CAMTA1: variants seen among roughly 807,000 people sequenced by gnomAD.
The protein encoded by CAMTA1 is calmodulin-binding transcription activator 1.
In CAMTA1, 27 loss-of-function variants were observed where a neutral mutation model predicts 170.9. That is an observed-to-expected ratio of 0.16 (90% CI 0.12 to 0.22). CAMTA1 has a LOEUF of 0.22. Among genes scored for constraint, CAMTA1 ranks in the 10% least tolerant of loss-of-function variants. CAMTA1 has a pLI of 1.00. For synonymous variants in CAMTA1, 833 were observed against 891.5 expected, an observed-to-expected ratio of 0.93 and a Z score of 1.17; for missense variants, 1,619 against 2,217.2, an observed-to-expected ratio of 0.73 and a Z score of 5.42.
At chr1:7,170,601 G>T (rs1649404803) in intron 4 of CAMTA1, among the ~76,000 whole-genome samples, 1 of 152,100 alleles carries the variant, frequency 6.6e-6, no homozygotes, top group African/African-American at 2.4e-5. Flanking sequence ...TGCTGAGAAT[G>T]ATGGCTTCCA....
chr1:6,910,751 A>G (rs1679516592), intron 3 of CAMTA1, among the ~76,000 whole-genome samples: 2 of 152,140 alleles, frequency 1.3e-5, no homozygotes, highest in Non-Finnish European at 2.9e-5. Context: ...TCAAAGGCGG[A>G]GGTGTGCTTG....
chr1:7,218,892 A>G (rs1660227757), intron 4 of CAMTA1, among the ~76,000 whole-genome samples: 1 of 151,692 alleles, frequency 6.6e-6, no homozygotes, highest in African/African-American at 2.4e-5. Context: ...CTTCTTGTTG[A>G]TCTGTGTAGT....
At chr1:7,391,697 T>A (rs1215966860) in intron 5 of CAMTA1, among the ~76,000 whole-genome samples, 1 of 152,186 alleles carries the variant, frequency 6.6e-6, no homozygotes, top group African/African-American at 2.4e-5. Flanking sequence ...TGGGAATGAA[T>A]GGCCTGTTTT....
At chr1:7,541,735 G>A (rs577798967) in intron 6 of CAMTA1, among the ~76,000 whole-genome samples, 122 of 152,318 alleles carry the variant, frequency 8.0e-4, no homozygotes, top group Non-Finnish European at 1.4e-3. Flanking sequence ...CTGTGGTCAC[G>A]TGATTAACTT....
At chr1:7,659,453 G>C (rs187323506) in intron 7 of CAMTA1, among the ~76,000 whole-genome samples, 1 of 152,106 alleles carries the variant, frequency 6.6e-6, no homozygotes, top group Non-Finnish European at 1.5e-5. Flanking sequence ...AGAATCGCTT[G>C]AACTCAGGAG....
intron 11 of CAMTA1, among the ~76,000 whole-genome samples, chr1:7,715,749 A>C (rs2096604858): frequency 6.6e-6 from 1 of 152,234 alleles, no homozygotes; most frequent in African/African-American, 2.4e-5. Context: ...GTCTAGGGGT[A>C]GGGTGCCAAG....
intron 5 of CAMTA1, among the ~76,000 whole-genome samples, chr1:7,287,656 G>C (rs1014120037): frequency 6.6e-6 from 1 of 152,148 alleles, no homozygotes; most frequent in Non-Finnish European, 1.5e-5. Context: ...GCCACGTGCT[G>C]GTAATAAACA....
chr1:7,276,303 A>ATATATTTT lies in CAMTA1; in HGVS notation c.438+26678_438+26679insATATTTTT. 2.9e-3 allele frequency among the ~76,000 whole-genome samples: 70 copies of ATATATTTT among 24,202 alleles called. 5 individuals are homozygous for ATATATTTT. Among genetic ancestry groups the ATATATTTT allele is most frequent in the African/African-American group, 0.018 (59 of 3,336 alleles). 15.9% of individuals were successfully genotyped at this position (24,202 alleles called of 152,430 possible). A position where few individuals can be genotyped will look rare whatever the true frequency, so the allele number is the denominator to read the frequency against. Reference sequence around the variant, plus strand: ...CATATATATATATATATATATATATATTTTTTTTTTTTTTTTTTCTTTTTG... The same window carrying ATATATTTT: ...CATATATATATATATATATATATATATATATTTTTTTTTTTTTTTTTTTTTTCTTTTTG... On this transcript the variant is annotated intron_variant, in intron 5 of 22. Transcript: ENST00000303635.
chr1:7,120,566 C>A (rs1285366366), intron 4 of CAMTA1, among the ~76,000 whole-genome samples: 4 of 152,188 alleles, frequency 2.6e-5, no homozygotes, highest in Non-Finnish European at 4.4e-5. Flanking sequence ...TATCCCATTG[C>A]CTTTGCCGTT....
chr1:7,699,568 T>C (rs1482334534), intron 11 of CAMTA1, among the ~76,000 whole-genome samples: 1 of 152,244 alleles, frequency 6.6e-6, no homozygotes, highest in Non-Finnish European at 1.5e-5. Context: ...CATAACTTTA[T>C]AATTAACCTT....
Position 7,661,879 on chromosome 1 carries a change from T to C in CAMTA1, c.805+13T>C, listed in dbSNP as rs745612164. On this transcript the variant is annotated intron_variant, in intron 8 of 22. Transcript: ENST00000303635. ...ACCGGCAGCCTGGGTGAGCCGGGGC[T>C]CCCGGGGCAGGCGGGCGCCACGGGG... 239 of 1,598,268 alleles carry C rather than the reference T, an allele frequency of 1.5e-4. No homozygotes were observed. Among genetic ancestry groups the C allele is most frequent in the Non-Finnish European group, 2.0e-4 (237 of 1,172,802 alleles).
intron 3 of CAMTA1, among the ~76,000 whole-genome samples, chr1:6,863,598 G>T (rs1038645717): frequency 6.6e-6 from 1 of 152,186 alleles, no homozygotes; most frequent in Non-Finnish European, 1.5e-5. Flanking sequence ...AGCCTCCCAG[G>T]CGATCAAGTC....
At chr1:7,556,323 T>C (rs1170017172) in intron 6 of CAMTA1, among the ~76,000 whole-genome samples, 3 of 152,116 alleles carry the variant, frequency 2.0e-5, no homozygotes, top group Non-Finnish European at 4.4e-5. Flanking sequence ...AGTCCTTTGC[T>C]ATCTCTAGGA....
At chr1:7,473,103 C>T (rs966666701) in intron 6 of CAMTA1, among the ~76,000 whole-genome samples, 1 of 152,156 alleles carries the variant, frequency 6.6e-6, no homozygotes, top group African/African-American at 2.4e-5. Context: ...GTGGGCCTTC[C>T]ATCCCCAGAG....
chr1:7,737,142 G>T, intron 14 of CAMTA1, 113 bp from the exon 15 acceptor site: 1 of 1,314,836 alleles, frequency 7.6e-7, no homozygotes, highest in Non-Finnish European at 1.1e-6. Context: ...ATCTTCAATG[G>T]CCCCACCGAG....
chr1:7,540,951 C>T (rs542545573), intron 6 of CAMTA1, among the ~76,000 whole-genome samples: 1 of 152,332 alleles, frequency 6.6e-6, no homozygotes, highest in African/African-American at 2.4e-5. Flanking sequence ...GCTAATGGCA[C>T]GTCCCAGCAA....
In CAMTA1 at chr1:7,443,046, C is replaced by A. The variant is rs1237990382; in HGVS notation, c.439-24784C>A. Reference sequence around the variant, plus strand: ...TTCCTGCCTGTGGTCTCTCCTTGCCCCTGCGCAGATCCTCCTCCTGACTTC... The same window carrying A: ...TTCCTGCCTGTGGTCTCTCCTTGCCACTGCGCAGATCCTCCTCCTGACTTC... On this transcript the variant is annotated intron_variant, in intron 5 of 22. Coordinates refer to ENST00000303635, the MANE Select transcript of CAMTA1 (RefSeq NM_015215.4). The surrounding 1 kb of genome is among the most constrained non-coding windows in gnomAD (Gnocchi z 4.1). Among the ~76,000 whole-genome samples the A allele has an allele frequency of 6.6e-6, 1 of 152,164 alleles. No individual in the cohort carries two copies. The highest frequency in any genetic ancestry group is 2.4e-5 in the African/African-American group (1 of 41,436).
intron 6 of CAMTA1, among the ~76,000 whole-genome samples, chr1:7,478,136 C>T (rs1033099008): frequency 6.6e-6 from 1 of 152,174 alleles, no homozygotes; most frequent in Non-Finnish European, 1.5e-5. Flanking sequence ...CTGTTTTCAC[C>T]CCACCAGGAC....
intron 5 of CAMTA1, among the ~76,000 whole-genome samples, chr1:7,306,574 A>C (rs913438128): frequency 8.6e-5 from 13 of 152,002 alleles, no homozygotes; most frequent in African/African-American, 3.1e-4. Context: ...CAAATTTCCC[A>C]AAATTTAGTT....
Sources: gnomAD v4.1 joint callset for allele counts (sites outside exome capture counted in the v4.1 genomes callset) on GRCh38, gnomAD v4.1.1 for gene constraint, Gnocchi (gnomAD v3.1) non-coding constraint, MANE v1.5 for transcripts, NCBI Gene and HGNC (gene_info 2026-07-23, HGNC 2026-07-21) for gene names.